The following CFAP263 variants were observed in gnomAD, a reference collection of about 807,000 sequenced individuals.
CFAP263 encodes cilia- and flagella-associated protein 263.
the CFAP263 span, chr16:58,279,625 C>A: frequency 7.4e-7 from 1 of 1,344,860 alleles, no homozygotes; most frequent in Non-Finnish European, 1.0e-6. Context: ...ATCAGTTTTC[C>A]CCAAGTGACT....
the CFAP263 span, chr16:58,278,472 C>T: frequency 6.2e-7 from 1 of 1,613,496 alleles, no homozygotes. Context: ...ACTGGTCCTT[C>T]CCAACCCAGG....
At chr16:58,262,552 C>T in the CFAP263 span, 1 of 1,586,948 alleles carries the variant, frequency 6.3e-7, no homozygotes, top group South Asian at 1.1e-5. Context: ...TAAGGCCATC[C>T]CTGATACCCA....
At chr16:58,264,690 C>T in the CFAP263 span, among the ~76,000 whole-genome samples, 10 of 151,922 alleles carry the variant, frequency 6.6e-5, no homozygotes, top group South Asian at 2.1e-4. Flanking sequence ...CCAATATTGT[C>T]GAATGAACTG....
At chr16:58,276,704 T>C in the CFAP263 span, among the ~76,000 whole-genome samples, 2 of 151,956 alleles carry the variant, frequency 1.3e-5, no homozygotes, top group Non-Finnish European at 2.9e-5. Flanking sequence ...TATACCCAGA[T>C]AGTTAGTAAT....
At chr16:58,266,837 CT>C in the CFAP263 span, among the ~76,000 whole-genome samples, 81 of 152,238 alleles carry the variant, frequency 5.3e-4, no homozygotes, top group Middle Eastern at 3.4e-3. Context: ...GGCTGTGCTC[CT>C]GCAGGACTCC....
the CFAP263 span, among the ~76,000 whole-genome samples, chr16:58,269,224 G>A: frequency 4.4e-3 from 664 of 152,200 alleles, 5 homozygotes; most frequent in Admixed American, 0.019. Context: ...CCATCTACTC[G>A]GGAGGCTGAG....
the CFAP263 span, chr16:58,254,291 G>A: frequency 1.1e-6 from 1 of 926,152 alleles, no homozygotes; most frequent in Non-Finnish European, 1.6e-6. Flanking sequence ...GCGAATCCAG[G>A]GCCTATCTTC....
At chr16:58,261,040 G>A in the CFAP263 span, among the ~76,000 whole-genome samples, 9 of 152,178 alleles carry the variant, frequency 5.9e-5, no homozygotes, top group East Asian at 9.7e-4. Context: ...CTGTCTGAGC[G>A]GCCCCTACCT....
At chr16:58,264,990 C>G in the CFAP263 span, among the ~76,000 whole-genome samples, 1 of 152,116 alleles carries the variant, frequency 6.6e-6, no homozygotes, top group South Asian at 2.1e-4. Flanking sequence ...CATGTGTGAG[C>G]CTGAGTCAAG....
the CFAP263 span, chr16:58,267,651 A>C: frequency 1.0e-6 from 1 of 973,586 alleles, no homozygotes; most frequent in Non-Finnish European, 1.6e-6. Flanking sequence ...GGCTTGAGTC[A>C]AGGTCCACCA....
chr16:58,268,673 A>G, the CFAP263 span, among the ~76,000 whole-genome samples: 1 of 152,198 alleles, frequency 6.6e-6, no homozygotes, highest in East Asian at 1.9e-4. Flanking sequence ...ACCTTCTGAA[A>G]AAAACCCCCA....
At chr16:58,271,840 C>A in the CFAP263 span, among the ~76,000 whole-genome samples, 1 of 152,164 alleles carries the variant, frequency 6.6e-6, no homozygotes, top group Non-Finnish European at 1.5e-5. Flanking sequence ...AAGTTACTCT[C>A]CCTCCTTTCC....
chr16:58,276,196 CCTCA>C, the CFAP263 span, among the ~76,000 whole-genome samples: 1 of 152,192 alleles, frequency 6.6e-6, no homozygotes, highest in Non-Finnish European at 1.5e-5. Context: ...AAATATTCTA[CCTCA>C]CTCGTAATAC....
chr16:58,255,487 T>A, the CFAP263 span, among the ~76,000 whole-genome samples: 4 of 151,964 alleles, frequency 2.6e-5, no homozygotes, highest in Non-Finnish European at 5.9e-5. Flanking sequence ...CATCTAGGCA[T>A]CCCTGAATCC....
At chr16:58,250,377 GTC>G in the CFAP263 span, 77 of 403,932 alleles carry the variant, frequency 1.9e-4, no homozygotes, top group East Asian at 3.4e-3. Context: ...AGCCGGAGGA[GTC>G]TCTCTCATGC....
At chr16:58,256,116 C>T in the CFAP263 span, among the ~76,000 whole-genome samples, 1 of 152,230 alleles carries the variant, frequency 6.6e-6, no homozygotes, top group Non-Finnish European at 1.5e-5. Flanking sequence ...TTCGCAGAAT[C>T]ACACTCGTCT....
At chr16:58,257,023 T>TTTTTTTG in the CFAP263 span, among the ~76,000 whole-genome samples, 1 of 30,720 alleles carries the variant, frequency 3.3e-5, no homozygotes, top group Non-Finnish European at 5.5e-5. Context: ...TCTTTTTTTT[T>TTTTTTTG]TTTTTTTTTT....
the CFAP263 span, among the ~76,000 whole-genome samples, chr16:58,250,815 T>C: frequency 6.8e-6 from 1 of 147,052 alleles, no homozygotes; most frequent in Non-Finnish European, 1.5e-5. Context: ...GGCAGCAGAA[T>C]AGAAAGCAAG....
the CFAP263 span, among the ~76,000 whole-genome samples, chr16:58,274,557 AG>A: frequency 6.6e-6 from 1 of 152,164 alleles, no homozygotes; most frequent in South Asian, 2.1e-4. Flanking sequence ...CATGATAGTG[AG>A]GGAGTTCTCA....
Sources: allele counts gnomAD v4.1 joint callset (sites outside exome capture counted in the v4.1 genomes callset), GRCh38; gene constraint gnomAD v4.1.1; transcripts MANE v1.5; gene names NCBI Gene and HGNC (gene_info 2026-07-23, HGNC 2026-07-21).